PLEKHA6: variants seen among roughly 807,000 people sequenced by gnomAD.
PLEKHA6 encodes the protein pleckstrin homology domain-containing family A member 6.
A neutral mutation model predicts 116.7 loss-of-function variants in PLEKHA6; 60 were observed. The ratio of observed to expected loss-of-function variants is 0.51; its 90% CI spans 0.42 to 0.64. The LOEUF is 0.64. Among genes scored for constraint, PLEKHA6 ranks in the 30% least tolerant of loss-of-function variants. The pLI, the probability that PLEKHA6 is intolerant of heterozygous loss-of-function variation, is 0.00. For synonymous variants in PLEKHA6, 489 were observed against 556.1 expected, an observed-to-expected ratio of 0.88 and a Z score of 1.70; for missense variants, 1,338 against 1,422.7, an observed-to-expected ratio of 0.94 and a Z score of 0.96.
Position 204,223,119 on chromosome 1 carries a change from CA to C in PLEKHA6, c.*9-341del, listed in dbSNP as rs1659844120. ...GTATCTCAACAGATGGAAAGCTTGT[CA>C]GCAGACAGGAGGCACAGGGGTGGGG... On this transcript the variant is annotated intron_variant, in intron 22 of 22. Transcript: ENST00000272203. This position sits in a 1 kb window ranked among gnomAD's most constrained non-coding sequence, Gnocchi z 4.8. Among the ~76,000 whole-genome samples the C allele has an allele frequency of 6.6e-6, 1 of 152,132 alleles. No homozygotes were observed. Among genetic ancestry groups the C allele is most frequent in the South Asian group, 2.1e-4 (1 of 4,812 alleles).
In PLEKHA6 at chr1:204,241,684, C is replaced by A. The variant is rs1346937827; in HGVS notation, c.2302+1G>T. On this transcript the variant is annotated splice_donor_variant, in intron 16 of 22. Transcript: ENST00000272203. LOFTEE classifies it high-confidence loss of function. Reference sequence around the variant, plus strand: ...CTAGGGGAAGATGGGACAGAAAGTACCTTTGTTGAGAGCTGCCTGCTTCTC... The same window carrying A: ...CTAGGGGAAGATGGGACAGAAAGTAACTTTGTTGAGAGCTGCCTGCTTCTC... 1 of 1,588,074 alleles carries A rather than the reference C, an allele frequency of 6.3e-7. No homozygotes were observed. Among genetic ancestry groups the A allele is most frequent in the South Asian group, 1.2e-5 (1 of 85,684 alleles).
chr1:204,261,585 T>C lies in PLEKHA6; in HGVS notation c.382-137A>G, dbSNP rs1012868047. The C allele has an allele frequency of 1.2e-5, 12 of 984,456 alleles. No homozygotes were observed. Among genetic ancestry groups the C allele is most frequent in the African/African-American group, 1.6e-5 (1 of 60,628 alleles). The allele number at this position is 984,456 out of a possible 1,614,324, so 61.0% of individuals were successfully genotyped here. On this transcript the variant is annotated intron_variant, in intron 6 of 22. Transcript: ENST00000272203. The surrounding 1 kb of genome is among the most constrained non-coding windows in gnomAD (Gnocchi z 4.0). ...TCCCTGCACCTGGGGCTCTTCCCCA[T>C]GCGGAGCTCAGGAGCAAGGTGAAGA...
chr1:204,304,178 G>C (rs1467155980), intron 1 of PLEKHA6, among the ~76,000 whole-genome samples: 3 of 152,098 alleles, frequency 2.0e-5, no homozygotes, highest in African/African-American at 7.2e-5. Flanking sequence ...GATAGAAGAC[G>C]ACCTCCCTCA....
intron 1 of PLEKHA6, among the ~76,000 whole-genome samples, chr1:204,324,788 A>G (rs777495192): frequency 2.6e-5 from 4 of 152,238 alleles, no homozygotes; most frequent in Non-Finnish European, 5.9e-5. Context: ...ATTCATTAAA[A>G]GGGTATTGGG....
At chr1:204,266,396 AC>A (rs778975166) in intron 5 of PLEKHA6, among the ~76,000 whole-genome samples, 4 of 151,862 alleles carry the variant, frequency 2.6e-5, no homozygotes, top group Admixed American at 2.0e-4. Flanking sequence ...TTGAGGTTCT[AC>A]CCCCACTGCT....
At chr1:204,267,337 C>T in intron 5 of PLEKHA6, 138 bp downstream of exon 5, 1 of 723,200 alleles carries the variant, frequency 1.4e-6, no homozygotes, top group Non-Finnish European at 2.5e-6. Flanking sequence ...ATCCTGCTGC[C>T]ACTGGTGCCA....
At chr1:204,363,869 T>C (rs1673605289), upstream of PLEKHA6, among the ~76,000 whole-genome samples, 1 of 152,078 alleles carries the variant, frequency 6.6e-6, no homozygotes, top group South Asian at 2.1e-4. Context: ...GGTAAGTGCA[T>C]ACAGGCTTGC....
intron 1 of PLEKHA6, among the ~76,000 whole-genome samples, chr1:204,373,291 C>T (rs1023983387): frequency 1.4e-4 from 22 of 152,102 alleles, no homozygotes; most frequent in African/African-American, 5.3e-4. Context: ...GGAGTTTCAC[C>T]ATGTTGGCCA....
At chr1:204,352,680 C>T (rs1572223196) in intron 1 of PLEKHA6, among the ~76,000 whole-genome samples, 1 of 152,300 alleles carries the variant, frequency 6.6e-6, no homozygotes, top group Admixed American at 6.5e-5. Flanking sequence ...CTTACAAGAG[C>T]GTGAGTTTAA....
chr1:204,339,966 A>G (rs542373984), intron 1 of PLEKHA6, among the ~76,000 whole-genome samples: 2 of 152,362 alleles, frequency 1.3e-5, no homozygotes, highest in South Asian at 2.1e-4. Context: ...CTATATTAAC[A>G]AAGATCAGGA....
At chr1:204,312,116 A>G (rs1671676168) in intron 1 of PLEKHA6, among the ~76,000 whole-genome samples, 1 of 152,222 alleles carries the variant, frequency 6.6e-6, no homozygotes, top group South Asian at 2.1e-4. Context: ...TAACTTGCCC[A>G]GCATCACACA....
chr1:204,272,552 A>G (rs1667576226), intron 3 of PLEKHA6, among the ~76,000 whole-genome samples: 1 of 152,154 alleles, frequency 6.6e-6, no homozygotes. Context: ...GAATAATATG[A>G]TGATCATCAT....
At chr1:204,267,589 G>A (rs367749149) in intron 4 of PLEKHA6, 42 bp from the exon 5 acceptor site, 12 of 1,544,862 alleles carry the variant, frequency 7.8e-6, no homozygotes, top group Admixed American at 1.7e-5. Flanking sequence ...CTGCAAGCTG[G>A]ACGTGGACGA....
At position 204,241,463 on chromosome 1, in the gene PLEKHA6, C is replaced by T. The variant is rs758641396; in HGVS notation, c.2321G>A (p.Arg774Gln). The change falls in exon 17 of 23, where the codon CGG (arginine) becomes CAG (glutamine). Residue 774 changes from arginine to glutamine, a missense_variant. Arg to Gln is a conservative substitution (Grantham distance 43, BLOSUM62 1). Coordinates refer to ENST00000272203, the MANE Select transcript of PLEKHA6 (RefSeq NM_014935.5). ...CTCATCATCAGTGGGCGATTTTGTC[C>T]GAGGGGGCACAACGCCAACTGCAGA... The part of the protein sequence containing the change: ...ALNKVGVVPP[R>Q]TKSPTDDEVT... 7.5e-6 allele frequency: 12 copies of T among 1,605,152 alleles called. No individual in the cohort carries two copies. The highest frequency in any genetic ancestry group is 3.3e-4 in the Middle Eastern group (2 of 6,044).
intron 4 of PLEKHA6, among the ~76,000 whole-genome samples, chr1:204,267,890 C>G (rs1004108028): frequency 6.6e-6 from 1 of 152,042 alleles, no homozygotes; most frequent in East Asian, 1.9e-4. Context: ...ACACCCCTAC[C>G]CCCCACCATA....
At chr1:204,354,140 G>A (rs1433738974) in intron 1 of PLEKHA6, among the ~76,000 whole-genome samples, 1 of 152,106 alleles carries the variant, frequency 6.6e-6, no homozygotes, top group Non-Finnish European at 1.5e-5. Flanking sequence ...CAGACTGGGG[G>A]GACACAATGA....
At chr1:204,366,333 T>C (rs955460628) in intron 3 of PLEKHA6, among the ~76,000 whole-genome samples, 4 of 151,630 alleles carry the variant, frequency 2.6e-5, no homozygotes, top group Non-Finnish European at 4.4e-5. Context: ...CCAGAACAGA[T>C]ACTTTGAAAG....
intron 1 of PLEKHA6, chr1:204,347,090 A>G: frequency 7.6e-7 from 1 of 1,314,830 alleles, no homozygotes; most frequent in Non-Finnish European, 1.1e-6. Context: ...TTGCCGTGGT[A>G]ACGCGTGTGG....
chr1:204,308,925 A>AAG, intron 1 of PLEKHA6: 1 of 169,014 alleles, frequency 5.9e-6, no homozygotes, highest in Non-Finnish European at 1.2e-5. Flanking sequence ...TCCTGACCTC[A>AAG]TGATCCGCCC....
Sources: allele counts gnomAD v4.1 joint callset (sites outside exome capture counted in the v4.1 genomes callset), GRCh38; gene constraint gnomAD v4.1.1; non-coding constraint Gnocchi (gnomAD v3.1); transcripts MANE v1.5; gene names NCBI Gene and HGNC (gene_info 2026-07-23, HGNC 2026-07-21).